SLC24A2: variants seen among roughly 807,000 people sequenced by gnomAD.
SLC24A2 encodes sodium/potassium/calcium exchanger 2.
In SLC24A2, 36 loss-of-function variants were observed where a neutral mutation model predicts 62.0. The ratio of observed to expected loss-of-function variants is 0.58; its 90% CI spans 0.44 to 0.77. The LOEUF is 0.77. SLC24A2 is among the 30% of genes least tolerant of loss of function. SLC24A2 has a pLI of 0.00. For missense variants in SLC24A2, 846 were observed against 817.9 expected, an observed-to-expected ratio of 1.03 and a Z score of -0.42; for synonymous variants, 358 against 294.0, an observed-to-expected ratio of 1.22 and a Z score of -2.23.
chr9:19,978,835 G>A, the SLC24A2 span, among the ~76,000 whole-genome samples: 1 of 152,120 alleles, frequency 6.6e-6, no homozygotes, highest in Non-Finnish European at 1.5e-5. Flanking sequence ...AGAAAGGGTA[G>A]ATGGAGGCAG....
intron 2 of SLC24A2, among the ~76,000 whole-genome samples, chr9:19,713,302 A>G (rs928857710): frequency 6.6e-6 from 1 of 152,154 alleles, no homozygotes; most frequent in African/African-American, 2.4e-5. Context: ...GAGAATGGAC[A>G]CATGTCACAA....
chr9:20,294,802 G>A, the SLC24A2 span, among the ~76,000 whole-genome samples: 1 of 152,086 alleles, frequency 6.6e-6, no homozygotes, highest in Non-Finnish European at 1.5e-5. Flanking sequence ...GGTGACAGAA[G>A]CACAGTACAA....
chr9:19,539,002 G>A (rs1834111685), intron 8 of SLC24A2, among the ~76,000 whole-genome samples: 1 of 125,468 alleles, frequency 8.0e-6, no homozygotes, highest in Non-Finnish European at 1.7e-5. Flanking sequence ...AGAGGTGTTT[G>A]TAGTATTCTC....
intron 2 of SLC24A2, among the ~76,000 whole-genome samples, chr9:19,721,110 G>A (rs541018034): frequency 6.6e-6 from 1 of 151,974 alleles, no homozygotes; most frequent in Non-Finnish European, 1.5e-5. Context: ...AATCACTGTT[G>A]TTCAAAGTAA....
the SLC24A2 span, among the ~76,000 whole-genome samples, chr9:20,034,858 A>C: frequency 6.6e-6 from 1 of 152,216 alleles, no homozygotes; most frequent in East Asian, 1.9e-4. Flanking sequence ...ATAGGAAAAA[A>C]AGATTCCATT....
At position 19,613,398 on chromosome 9, in the gene SLC24A2, A is replaced by AT. The variant is rs1817678871; in HGVS notation, c.1078+6185dup. On this transcript the variant is annotated intron_variant, in intron 4 of 10. Transcript: ENST00000341998. ...GCAGTTCAAGACCACGCATTTTACA[A>AT]TTTTCACTTCTTTGAACTGAAACCA... 3.3e-5 allele frequency among the ~76,000 whole-genome samples: 5 copies of AT among 152,304 alleles called. No individual in the cohort carries two copies. The South Asian group carries it at 1.0e-3, about 32-fold the overall frequency.
intron 10 of SLC24A2, among the ~76,000 whole-genome samples, chr9:19,519,531 C>T (rs1165941071): frequency 1.3e-5 from 2 of 152,198 alleles, no homozygotes; most frequent in Non-Finnish European, 2.9e-5. Context: ...ACAGTAGGTA[C>T]AACTTCCTTT....
At chr9:19,739,002 A>C (rs1393121268) in intron 2 of SLC24A2, among the ~76,000 whole-genome samples, 1 of 152,114 alleles carries the variant, frequency 6.6e-6, no homozygotes, top group African/African-American at 2.4e-5. Context: ...CGGTAGTCCC[A>C]GCTACTCATG....
the SLC24A2 span, among the ~76,000 whole-genome samples, chr9:20,229,285 C>T: frequency 6.6e-6 from 1 of 152,096 alleles, no homozygotes; most frequent in African/African-American, 2.4e-5. Context: ...TGACCTTGAT[C>T]AAGTGCTTTG....
At chr9:19,633,856 C>T (rs911975320) in intron 2 of SLC24A2, among the ~76,000 whole-genome samples, 2 of 152,128 alleles carry the variant, frequency 1.3e-5, no homozygotes, top group South Asian at 2.1e-4. Flanking sequence ...TTGTTAGACA[C>T]GTGGTCTGCA....
At chr9:20,189,387 G>C in the SLC24A2 span, among the ~76,000 whole-genome samples, 4 of 152,124 alleles carry the variant, frequency 2.6e-5, no homozygotes, top group African/African-American at 9.7e-5. Flanking sequence ...ATCATAACTG[G>C]GTAGTGAAAG....
the SLC24A2 span, among the ~76,000 whole-genome samples, chr9:19,855,990 A>G: frequency 6.7e-6 from 1 of 150,126 alleles, no homozygotes; most frequent in African/African-American, 2.4e-5. Context: ...GTTCCTTTTC[A>G]TTTTTTTTCT....
At chr9:19,672,544 C>T (rs1819450555) in intron 2 of SLC24A2, among the ~76,000 whole-genome samples, 1 of 146,114 alleles carries the variant, frequency 6.8e-6, no homozygotes, top group South Asian at 2.1e-4. Flanking sequence ...TTTAGTTCTG[C>T]TCTGATTTCT....
the SLC24A2 span, among the ~76,000 whole-genome samples, chr9:20,059,965 T>C: frequency 0.036 from 5,404 of 151,866 alleles, 331 homozygotes; most frequent in African/African-American, 0.12. Flanking sequence ...GAAATAAAGA[T>C]GGAGACATGA....
the SLC24A2 span, among the ~76,000 whole-genome samples, chr9:20,215,533 T>G: frequency 6.6e-6 from 1 of 152,246 alleles, no homozygotes; most frequent in South Asian, 2.1e-4. Flanking sequence ...AGCATTTGAT[T>G]ATGGTATGTG....
At chr9:19,648,718 A>G (rs1818711963) in intron 2 of SLC24A2, among the ~76,000 whole-genome samples, 1 of 152,202 alleles carries the variant, frequency 6.6e-6, no homozygotes, top group Non-Finnish European at 1.5e-5. Flanking sequence ...CATCTAATTA[A>G]AGAGGACACT....
the SLC24A2 span, among the ~76,000 whole-genome samples, chr9:20,005,567 T>A: frequency 1.1e-4 from 16 of 152,084 alleles, no homozygotes; most frequent in Admixed American, 9.8e-4. Context: ...TTTCTGAGAC[T>A]CTAAAATTTC....
the SLC24A2 span, among the ~76,000 whole-genome samples, chr9:20,072,313 C>G: frequency 6.6e-6 from 1 of 152,044 alleles, no homozygotes; most frequent in Non-Finnish European, 1.5e-5. Context: ...CAATGAGGGT[C>G]TTATGACCCA....
the SLC24A2 span, among the ~76,000 whole-genome samples, chr9:20,256,942 AC>A: frequency 5.7e-5 from 6 of 104,626 alleles, no homozygotes; most frequent in Admixed American, 3.6e-4. Context: ...ACACACACAC[AC>A]ACACACTTGC....
Sources: gnomAD v4.1 joint callset for allele counts (sites outside exome capture counted in the v4.1 genomes callset) on GRCh38, gnomAD v4.1.1 for gene constraint, MANE v1.5 for transcripts, NCBI Gene and HGNC (gene_info 2026-07-23, HGNC 2026-07-21) for gene names.